Variants in PITPNC1 observed in about 807,000 individuals in gnomAD.
PITPNC1 encodes phosphatidylinositol transfer protein cytoplasmic 1.
A neutral mutation model predicts 44.7 loss-of-function variants in PITPNC1; 18 were observed. The ratio of observed to expected loss-of-function variants is 0.40; its 90% CI spans 0.28 to 0.60. The LOEUF (loss-of-function observed/expected upper bound fraction) is 0.60. Ranked by LOEUF, PITPNC1 falls within the 20% of genes least tolerant of loss-of-function variation. The pLI is 0.39. For missense variants in PITPNC1, 290 were observed against 418.4 expected (o/e 0.69, Z 2.68); for synonymous variants, 141 against 149.6 (o/e 0.94, Z 0.42).
chr17:67,522,290 T>G (rs752049124), intron 1 of PITPNC1, among the ~76,000 whole-genome samples: 2 of 149,264 alleles, frequency 1.3e-5, no homozygotes, highest in African/African-American at 2.5e-5. Flanking sequence ...GGAGAGAGAG[T>G]GAAACTCCAT....
chr17:67,486,671 G>C (rs1216078679), intron 1 of PITPNC1, among the ~76,000 whole-genome samples: 6 of 152,132 alleles, frequency 3.9e-5, no homozygotes, highest in Admixed American at 1.3e-4. Context: ...GTGACGTTTT[G>C]AATCTGTAGA....
intron 4 of PITPNC1, among the ~76,000 whole-genome samples, chr17:67,571,486 T>A (rs556046494): frequency 7.9e-4 from 120 of 152,326 alleles, no homozygotes; most frequent in African/African-American, 2.8e-3. Flanking sequence ...TCTTGCAGTT[T>A]CCATGGGTCA....
intron 1 of PITPNC1, among the ~76,000 whole-genome samples, chr17:67,506,777 A>T (rs1374901507): frequency 6.6e-6 from 1 of 152,200 alleles, no homozygotes; most frequent in Non-Finnish European, 1.5e-5. Flanking sequence ...AAGAATATTT[A>T]AAGATATGGG....
rs576709462 is a variant in PITPNC1, at chr17:67,440,248, A to G, written c.48+62046A>G. On this transcript the variant is annotated intron_variant, in intron 1 of 8. Coordinates refer to ENST00000581322, the MANE Select transcript of PITPNC1 (RefSeq NM_012417.4). ...ACAATGAACAAAATATCAAAATGCT[A>G]AAGACAGGCTCTAACCCCGCACTGG... is the stretch of plus-strand genomic sequence containing the variant. Among the ~76,000 whole-genome samples the G allele has an allele frequency of 6.6e-5, 10 of 152,328 alleles. No homozygotes were observed. The East Asian group carries it at 1.9e-3, about 29-fold the overall frequency.
chr17:67,603,655 C>T (rs1460781493), intron 5 of PITPNC1, among the ~76,000 whole-genome samples: 3 of 152,082 alleles, frequency 2.0e-5, no homozygotes, highest in African/African-American at 4.8e-5. Flanking sequence ...TAGAGCCAGG[C>T]GCGGTGGCTC....
chr17:67,537,698 T>A (rs542525495), intron 2 of PITPNC1, among the ~76,000 whole-genome samples: 4 of 152,122 alleles, frequency 2.6e-5, no homozygotes, highest in African/African-American at 9.6e-5. Flanking sequence ...TGGTGCTGGG[T>A]GCAGTGGCTC....
rs575448173 is a variant in PITPNC1, at chr17:67,481,797, G to T, written c.49-51005G>T. On this transcript the variant is annotated intron_variant, in intron 1 of 8. Transcript: ENST00000581322. Reference sequence around the variant, plus strand: ...AGATTTAAAAAAAAAAAAAGGAAAGGTATAAAATGTGGACACTGCCTTCCA... The same window carrying T: ...AGATTTAAAAAAAAAAAAAGGAAAGTTATAAAATGTGGACACTGCCTTCCA... Among the ~76,000 whole-genome samples, 4 of 150,342 alleles carry T rather than the reference G, an allele frequency of 2.7e-5. No individual in the cohort carries two copies. The South Asian group carries it at 8.4e-4, about 32-fold the overall frequency.
chr17:67,386,419 C>G (rs1471849457), intron 1 of PITPNC1, among the ~76,000 whole-genome samples: 1 of 152,142 alleles, frequency 6.6e-6, no homozygotes, highest in Non-Finnish European at 1.5e-5. Context: ...TCTCGAACTC[C>G]TGACCTCAGG....
intron 8 of PITPNC1, among the ~76,000 whole-genome samples, chr17:67,679,283 A>G (rs1173459592): frequency 6.6e-6 from 1 of 152,242 alleles, no homozygotes; most frequent in Non-Finnish European, 1.5e-5. Context: ...CAATTTTAAA[A>G]TGATTGCAGG....
intron 5 of PITPNC1, among the ~76,000 whole-genome samples, chr17:67,580,049 C>G (rs1288084176): frequency 6.6e-6 from 1 of 152,156 alleles, no homozygotes; most frequent in Non-Finnish European, 1.5e-5. Context: ...GAGATGACTT[C>G]TGTTAGCAAT....
chr17:67,598,522 C>T (rs1363497205), intron 5 of PITPNC1, among the ~76,000 whole-genome samples: 1 of 152,066 alleles, frequency 6.6e-6, no homozygotes, highest in Non-Finnish European at 1.5e-5. Context: ...CTTAAGGGCC[C>T]CAGAGAGACC....
At chr17:67,637,667 A>G (rs2042048699) in intron 6 of PITPNC1, 1 of 152,192 alleles carries the variant, frequency 6.6e-6, no homozygotes, top group Non-Finnish European at 1.5e-5. Flanking sequence ...CCCTCGTGCC[A>G]TCGCCACTAA....
intron 6 of PITPNC1, among the ~76,000 whole-genome samples, chr17:67,647,481 T>TTTTG (rs1567757621): frequency 3.6e-5 from 5 of 140,418 alleles, no homozygotes; most frequent in African/African-American, 8.0e-5. Context: ...TTTTTTTTTT[T>TTTTG]TTTTTTTTTT....
chr17:67,520,128 C>T (rs2040306773), intron 1 of PITPNC1, among the ~76,000 whole-genome samples: 2 of 152,086 alleles, frequency 1.3e-5, no homozygotes, highest in East Asian at 1.9e-4. Context: ...TGCTACCAGC[C>T]GTTTTCATTA....
chr17:67,523,547 G>A (rs948884615), intron 1 of PITPNC1, among the ~76,000 whole-genome samples: 3 of 150,894 alleles, frequency 2.0e-5, no homozygotes, highest in Non-Finnish European at 2.9e-5. Flanking sequence ...TATTCTATTA[G>A]TTCCATTTTA....
intron 1 of PITPNC1, among the ~76,000 whole-genome samples, chr17:67,427,662 G>T (rs1042406871): frequency 6.6e-6 from 1 of 152,026 alleles, no homozygotes; most frequent in African/African-American, 2.4e-5. Context: ...TTCTCACCAG[G>T]GCCTGTTAAC....
chr17:67,445,666 A>G (rs2039083561), intron 1 of PITPNC1, among the ~76,000 whole-genome samples: 1 of 152,046 alleles, frequency 6.6e-6, no homozygotes, highest in African/African-American at 2.4e-5. Flanking sequence ...TGTTTTCCAT[A>G]CTCAGCCCTA....
At chr17:67,686,319 CAA>C (rs1163931658) in intron 8 of PITPNC1, among the ~76,000 whole-genome samples, 1 of 150,072 alleles carries the variant, frequency 6.7e-6, no homozygotes, top group Non-Finnish European at 1.5e-5. Context: ...AAAAATGTCA[CAA>C]AATTGTCCCC....
At chr17:67,416,298 C>T (rs931470748) in intron 1 of PITPNC1, among the ~76,000 whole-genome samples, 11 of 148,652 alleles carry the variant, frequency 7.4e-5, no homozygotes, top group African/African-American at 2.5e-4. Flanking sequence ...CAACCACAAC[C>T]TCCACCTCCC....
Sources: gnomAD v4.1 joint callset for allele counts (sites outside exome capture counted in the v4.1 genomes callset) on GRCh38, gnomAD v4.1.1 for gene constraint, MANE v1.5 for transcripts, NCBI Gene and HGNC (gene_info 2026-07-23, HGNC 2026-07-21) for gene names.